The following MYRF variants were observed in gnomAD, a reference collection of about 807,000 sequenced individuals.
MYRF encodes myelin regulatory factor, also known as myelin gene regulatory factor.
A neutral mutation model predicts 126.3 loss-of-function variants in MYRF; 16 were observed. The ratio of observed to expected loss-of-function variants is 0.13; its 90% CI spans 0.09 to 0.19. The LOEUF (loss-of-function observed/expected upper bound fraction) is 0.19, where lower values mean the gene tolerates loss of function less well. Among genes scored for constraint, MYRF ranks in the 10% least tolerant of loss-of-function variants. The probability of loss-of-function intolerance (pLI) is 1.00; values close to 1 mark genes in which losing one functional copy is unlikely to be tolerated. For synonymous variants in MYRF, 608 were observed against 635.3 expected, an observed-to-expected ratio of 0.96 and a Z score of 0.65; for missense variants, 1,104 against 1,547.0, an observed-to-expected ratio of 0.71 and a Z score of 4.80.
At chr11:61,760,285 G>T (rs963857575) in intron 1 of MYRF, among the ~76,000 whole-genome samples, 1 of 152,142 alleles carries the variant, frequency 6.6e-6, no homozygotes, top group Non-Finnish European at 1.5e-5. Context: ...TATTAATAAA[G>T]AGAGAAAGCC....
At chr11:61,773,143 C>T (rs1026092924) in intron 7 of MYRF, among the ~76,000 whole-genome samples, 1 of 152,034 alleles carries the variant, frequency 6.6e-6, no homozygotes, top group Non-Finnish European at 1.5e-5. Context: ...GTAGCTGGGA[C>T]TACAGGCGGC....
At chr11:61,780,320 C>T (rs1262379667) in intron 18 of MYRF, 30 bp downstream of exon 18, 2 of 1,597,906 alleles carry the variant, frequency 1.3e-6, no homozygotes, top group South Asian at 2.2e-5. Context: ...GCCAAGCTGC[C>T]AGGCCAGGTG....
In MYRF at chr11:61,770,472, C is replaced by A; in HGVS notation, c.687C>A (p.His229Gln). The stretch of plus-strand genomic sequence containing the variant: ...AGGGGCTGGTGCCCACTGATCTTCA[C>A]CACACCCAGCAGTCCCAGATGCTGC... Reference protein sequence around the residue: ...MGQGLVPTDLHHTQQSQMLHQ... With the variant: ...MGQGLVPTDLQHTQQSQMLHQ... The change falls in exon 5 of 27, where the codon CAC becomes CAA. Residue 229 changes from histidine (H) to glutamine (Q), a missense_variant. His to Gln is a conservative substitution (Grantham distance 24). This residue lies in a region of MYRF where 368 missense variants were observed against 403.9 expected (regional missense o/e 0.91). Transcript: ENST00000278836. 1.3e-6 allele frequency: 2 copies of A among 1,563,786 alleles called. No homozygotes were observed. The highest frequency in any genetic ancestry group is 2.4e-5 in the East Asian group (1 of 42,022).
chr11:61,784,398 G>A lies in MYRF; in HGVS notation c.3300+13G>A. 6.2e-7 allele frequency: 1 copy of A among 1,607,138 alleles called. No homozygotes were observed. Among genetic ancestry groups the A allele is most frequent in the Non-Finnish European group, 8.5e-7 (1 of 1,175,676 alleles). On this transcript the variant is annotated intron_variant, in intron 25 of 26. Transcript: ENST00000278836. Reference sequence around the variant, plus strand: ...CCAGGACACCCAGGTAGGTGGGACTGGGAAGCTGCGGGCCGGCCAGGCCCG... The same window carrying A: ...CCAGGACACCCAGGTAGGTGGGACTAGGAAGCTGCGGGCCGGCCAGGCCCG...
intron 5 of MYRF, 111 bp from the exon 6 acceptor site, chr11:61,771,389 C>T (rs769691232): frequency 1.1e-5 from 15 of 1,422,890 alleles, no homozygotes; most frequent in African/African-American, 2.8e-5. Context: ...GTCCTCTGGG[C>T]GGGGCACATC....
chr11:61,752,845 G>C, intron 1 of MYRF, 55 bp downstream of exon 1: 1 of 1,446,744 alleles, frequency 6.9e-7, no homozygotes, highest in South Asian at 1.3e-5. Flanking sequence ...ACCCCCGGCT[G>C]ATCTCCCCGG....
At position 61,776,266 on chromosome 11, in the gene MYRF, C is replaced by G. The variant is rs895832588; in HGVS notation, c.1389-56C>G. On this transcript the variant is annotated intron_variant, in intron 9 of 26. Coordinates refer to ENST00000278836, the MANE Select transcript of MYRF (RefSeq NM_001127392.3). This position sits in a 1 kb window ranked among gnomAD's most constrained non-coding sequence, Gnocchi z 4.3. ...TGCTGGCCTGGGTGCCCCTCAGTGG[C>G]GTGGCTCTTGCAGCCTCCCTCCCTG... 3 of 1,568,410 alleles carry G rather than the reference C, an allele frequency of 1.9e-6. No homozygotes were observed. The South Asian group carries it at 3.4e-5, about 18-fold the overall frequency.
At chr11:61,774,636 C>G (rs1462532055) in intron 8 of MYRF, among the ~76,000 whole-genome samples, 2 of 151,456 alleles carry the variant, frequency 1.3e-5, no homozygotes, top group Non-Finnish European at 2.9e-5. Flanking sequence ...TATCCCTGTG[C>G]CTGCCCCTCA....
intron 1 of MYRF, among the ~76,000 whole-genome samples, chr11:61,764,212 G>T (rs2065984907): frequency 1.3e-5 from 2 of 152,212 alleles, no homozygotes; most frequent in African/African-American, 4.8e-5. Flanking sequence ...AATCACCTAA[G>T]CGGGGCTCAG....
intron 4 of MYRF, 120 bp downstream of exon 4, chr11:61,769,441 C>T (rs1223747794): frequency 1.7e-5 from 13 of 753,972 alleles, no homozygotes; most frequent in East Asian, 8.2e-5. Flanking sequence ...CTGAGATTAT[C>T]GCTGGTCAAA....
chr11:61,785,789 C>T lies in MYRF; in HGVS notation c.3301-11C>T. ...GCAGTCTGTCCTGACCCCTCTCTCCCTTCTCTCCAGGGCACCTCTCACCGG... is the reference window on the plus strand; with the variant it reads ...GCAGTCTGTCCTGACCCCTCTCTCCTTTCTCTCCAGGGCACCTCTCACCGG... On this transcript the variant is annotated splice_polypyrimidine_tract_variant and intron_variant, in intron 25 of 26. Transcript: ENST00000278836. The T allele has an allele frequency of 6.2e-7, 1 of 1,613,464 alleles. No homozygotes were observed. The highest frequency in any genetic ancestry group is 8.5e-7 in the Non-Finnish European group (1 of 1,179,366).
chr11:61,785,863 G>A lies in MYRF; in HGVS notation c.3364G>A (p.Val1122Met). 2 of 1,614,108 alleles carry A rather than the reference G, an allele frequency of 1.2e-6. No homozygotes were observed. The highest frequency in any genetic ancestry group is 1.7e-6 in the Non-Finnish European group (2 of 1,180,000). The change falls in exon 26 of 27, where the codon GTG (valine) becomes ATG (methionine). Residue 1122 changes from valine to methionine, a missense_variant. Transcript: ENST00000278836. ...SFREFTYHFR[V>M]ALLGQANCSS... Reference sequence around the variant, plus strand: ...CCGTGAATTCACCTACCACTTCCGGGTGGCACTGCTGGTGAGCAGGGGCAT... The same window carrying A: ...CCGTGAATTCACCTACCACTTCCGGATGGCACTGCTGGTGAGCAGGGGCAT...
rs142831329 is a variant in MYRF at position 61,771,542 on chromosome 11, C to A, written c.783C>A (p.Ser261=). ...CCAAGAAGAGGAAGCACTCTGAATC[C>A]CCCCCCAGCACCCTCAATGCCCAGA... ...HPSKKRKHSE[S]PPSTLNAQML... The change falls in exon 6 of 27, where the codon TCC becomes TCA. Residue 261 remains serine (S), a synonymous_variant. Transcript: ENST00000278836. 4.3e-6 allele frequency: 7 copies of A among 1,613,896 alleles called. No individual in the cohort carries two copies. Among genetic ancestry groups the A allele is most frequent in the African/African-American group, 1.3e-5 (1 of 74,998 alleles).
intron 1 of MYRF, among the ~76,000 whole-genome samples, chr11:61,764,280 C>G (rs1472000724): frequency 2.0e-5 from 3 of 152,210 alleles, no homozygotes; most frequent in Non-Finnish European, 4.4e-5. Context: ...CTCCCGGGGA[C>G]CCCAGGGCTC....
At chr11:61,779,187 C>G in intron 14 of MYRF, 76 bp from the exon 15 acceptor site, 1 of 1,459,260 alleles carries the variant, frequency 6.9e-7, no homozygotes. Flanking sequence ...CCCCTGATGT[C>G]TGGCAGCCTG....
intron 1 of MYRF, among the ~76,000 whole-genome samples, chr11:61,754,715 C>T (rs1016353394): frequency 2.0e-5 from 3 of 152,194 alleles, no homozygotes; most frequent in African/African-American, 7.2e-5. Flanking sequence ...GCGCTACTCC[C>T]TCCAGAGAGA....
rs79682063 is a variant in MYRF at position 61,766,837 on chromosome 11, C to T, written c.398+616C>T. 4.5e-3 allele frequency: 1,603 copies of T among 353,072 alleles called. 22 individuals are homozygous for T. Among genetic ancestry groups the T allele is most frequent in the African/African-American group, 0.031 (1,475 of 46,826 alleles). 21.9% of individuals were successfully genotyped at this position (353,072 alleles called of 1,614,324 possible). ...CAGCTCCCGGGGCACATGCTCACAGCGGGAGGCTGGGAGCATGGGTCTGCA... is the reference window on the plus strand; with the variant it reads ...CAGCTCCCGGGGCACATGCTCACAGTGGGAGGCTGGGAGCATGGGTCTGCA... On this transcript the variant is annotated intron_variant, in intron 3 of 26. Transcript: ENST00000278836.
intron 1 of MYRF, among the ~76,000 whole-genome samples, chr11:61,764,875 T>G (rs1177192938): frequency 2.6e-5 from 4 of 152,228 alleles, no homozygotes; most frequent in African/African-American, 9.6e-5. Context: ...CATCATTCCC[T>G]GCTGGGAGGC....
chr11:61,764,170 G>A (rs1020334098), intron 1 of MYRF, among the ~76,000 whole-genome samples: 3 of 152,166 alleles, frequency 2.0e-5, no homozygotes, highest in Non-Finnish European at 4.4e-5. Flanking sequence ...CGCAGGCAGC[G>A]CGTGACTCCT....
Sources: allele counts gnomAD v4.1 joint callset (sites outside exome capture counted in the v4.1 genomes callset), GRCh38; gene constraint gnomAD v4.1.1; regional missense constraint gnomAD v4.1.1; non-coding constraint Gnocchi (gnomAD v3.1); transcripts MANE v1.5; gene names NCBI Gene and HGNC (gene_info 2026-07-23, HGNC 2026-07-21).